FNIP2: variants seen among roughly 807,000 people sequenced by gnomAD.
FNIP2 encodes the protein folliculin interacting protein 2.
Under a neutral mutation model 108.7 loss-of-function variants are expected in FNIP2, and 32 were observed. The ratio of observed to expected loss-of-function variants is 0.29; its 90% CI spans 0.22 to 0.40. The LOEUF is 0.40. FNIP2 is among the 10% of genes least tolerant of loss of function. FNIP2 has a pLI of 1.00. For missense variants in FNIP2, 1,202 were observed against 1,381.6 expected, an observed-to-expected ratio of 0.87 and a Z score of 2.06; for synonymous variants, 480 against 496.7, an observed-to-expected ratio of 0.97 and a Z score of 0.45.
At chr4:158,844,034 CT>C (rs1779268038) in intron 7 of FNIP2, among the ~76,000 whole-genome samples, 1 of 152,208 alleles carries the variant, frequency 6.6e-6, no homozygotes, top group Non-Finnish European at 1.5e-5. Context: ...AACCTCAAAA[CT>C]TTTTCCTTTG....
chr4:158,868,822 C>A lies in FNIP2; in HGVS notation c.2186C>A (p.Ser729Tyr). The A allele has an allele frequency of 1.2e-6, 2 of 1,613,686 alleles. No homozygotes were observed. The highest frequency in any genetic ancestry group is 1.7e-6 in the Non-Finnish European group (2 of 1,179,902). ...ATTGGAAGCTTTGCATCTCCAGAGT[C>A]TGACTTTGAAAGCCGCATGAAAAAA... is the stretch of plus-strand genomic sequence containing the variant. ...FQIGSFASPESDFESRMKKME... is the reference protein window; with the variant it reads ...FQIGSFASPEYDFESRMKKME... The change falls in exon 13 of 17, where the codon TCT becomes TAT. Residue 729 changes from serine (S) to tyrosine (Y), a missense_variant. Physicochemically the swap from Ser to Tyr is moderately radical, Grantham distance 144 (BLOSUM62 -2). Around this residue, in one of 5 missense-constraint regions of FNIP2, gnomAD observed 878 missense variants for 990.3 expected, o/e 0.89. Transcript: ENST00000264433. The surrounding 1 kb of genome is among the most constrained non-coding windows in gnomAD (Gnocchi z 4.6).
intron 1 of FNIP2, among the ~76,000 whole-genome samples, chr4:158,817,308 G>A (rs867759665): frequency 6.6e-6 from 1 of 152,176 alleles, no homozygotes; most frequent in Non-Finnish European, 1.5e-5. Flanking sequence ...CTGTTGATTA[G>A]AGTTGTGTTG....
rs114160022 is a variant in FNIP2, at chr4:158,812,495, A to G, written c.108-13421A>G. ...ACTGTAACAGACAAAAGTGATCTTC[A>G]GAAAATAATCCTGTCACAAATTTTT... On this transcript the variant is annotated intron_variant, in intron 1 of 16. Transcript: ENST00000264433. Among the ~76,000 whole-genome samples the G allele has an allele frequency of 5.1e-3, 775 of 152,322 alleles. 7 individuals carry two copies. The highest frequency in any genetic ancestry group is 0.018 in the African/African-American group (736 of 41,574).
intron 7 of FNIP2, among the ~76,000 whole-genome samples, chr4:158,842,115 T>A (rs1779166250): frequency 6.6e-6 from 1 of 152,270 alleles, no homozygotes; most frequent in Non-Finnish European, 1.5e-5. Context: ...CTATTTCAGA[T>A]GTTTGGTATT....
chr4:158,775,806 A>G (rs1357331236), intron 1 of FNIP2, among the ~76,000 whole-genome samples: 2 of 152,254 alleles, frequency 1.3e-5, no homozygotes, highest in Non-Finnish European at 2.9e-5. Flanking sequence ...TGTATAGCAG[A>G]GTACTCTTTC....
chr4:158,847,917 G>C (rs1358472442), intron 7 of FNIP2, among the ~76,000 whole-genome samples: 2 of 152,218 alleles, frequency 1.3e-5, no homozygotes, highest in Non-Finnish European at 2.9e-5. Flanking sequence ...CTCTGCCTGG[G>C]GACAGGAGAG....
chr4:158,850,238 A>C (rs1365961282), intron 7 of FNIP2, among the ~76,000 whole-genome samples: 1 of 152,092 alleles, frequency 6.6e-6, no homozygotes, highest in Non-Finnish European at 1.5e-5. Flanking sequence ...TTGCCCTGTG[A>C]TTTGTTTCAG....
chr4:158,805,680 G>A (rs984827637), intron 1 of FNIP2, among the ~76,000 whole-genome samples: 1 of 152,198 alleles, frequency 6.6e-6, no homozygotes, highest in African/African-American at 2.4e-5. Flanking sequence ...AGTAAGACCT[G>A]TCAGCTGACA....
intron 1 of FNIP2, among the ~76,000 whole-genome samples, chr4:158,820,150 TCC>T (rs1165016932): frequency 2.6e-5 from 4 of 152,214 alleles, no homozygotes; most frequent in African/African-American, 9.7e-5. Flanking sequence ...TTCCTATCAT[TCC>T]TGACTGTTTA....
rs767341374 is a variant in FNIP2, at chr4:158,851,338, T to G, written c.745T>G (p.Leu249Val). ...IARSASLSSLLITPFPSPSSS... is the reference protein window; with the variant it reads ...IARSASLSSLVITPFPSPSSS... ...TCCTACAGCCTCACTAAGCAGTCTT[T>G]TGATCACACCTTTCCCATCTCCAAG... The change falls in exon 8 of 17, where the codon TTG becomes GTG. Residue 249 changes from leucine (L) to valine (V), a missense_variant. By Grantham distance (32) the Leu-to-Val change is conservative. Transcript: ENST00000264433. 6.2e-7 allele frequency: 1 copy of G among 1,614,028 alleles called. No individual in the cohort carries two copies. The highest frequency in any genetic ancestry group is 1.1e-5 in the South Asian group (1 of 91,086).
rs1775606809 is a variant in FNIP2, at chr4:158,769,200, C to A, written c.-13C>A. On this transcript the variant is annotated 5_prime_UTR_variant, in exon 1 of 17. Transcript: ENST00000264433. Reference sequence around the variant, plus strand: ...CCCCCGAGCGCCACGGCCGGAGCTGCGGCGGCGGCATCATGGCCCCGACCC... The same window carrying A: ...CCCCCGAGCGCCACGGCCGGAGCTGAGGCGGCGGCATCATGGCCCCGACCC... 5 of 1,371,856 alleles carry A rather than the reference C, an allele frequency of 3.6e-6. No individual in the cohort carries two copies. Among genetic ancestry groups the A allele is most frequent in the Non-Finnish European group, 3.8e-6 (4 of 1,049,378 alleles). 85.0% of individuals were successfully genotyped at this position (1,371,856 alleles called of 1,614,324 possible).
At chr4:158,845,593 G>A (rs1426559014) in intron 7 of FNIP2, among the ~76,000 whole-genome samples, 1 of 152,186 alleles carries the variant, frequency 6.6e-6, no homozygotes, top group Non-Finnish European at 1.5e-5. Flanking sequence ...TCCCCAGGTG[G>A]CTCAGATGTA....
chr4:158,893,653 G>C, intron 15 of FNIP2: 1 of 1,529,604 alleles, frequency 6.5e-7, no homozygotes, highest in Non-Finnish European at 9.0e-7. Context: ...TTATACAGTA[G>C]TAGGCAGTTT....
intron 8 of FNIP2, among the ~76,000 whole-genome samples, chr4:158,853,547 C>T (rs1041576605): frequency 1.3e-5 from 2 of 152,148 alleles, no homozygotes; most frequent in Admixed American, 6.5e-5. Flanking sequence ...CCACGACAGG[C>T]GCCGGTGTGT....
intron 1 of FNIP2, among the ~76,000 whole-genome samples, chr4:158,807,987 AGAGTAACG>A (rs1475481140): frequency 6.6e-6 from 1 of 152,280 alleles, no homozygotes; most frequent in South Asian, 2.1e-4. Flanking sequence ...GTGATAGGAG[AGAGTAACG>A]GAGTGACACT....
At chr4:158,885,310 C>A (rs925572479) in intron 14 of FNIP2, among the ~76,000 whole-genome samples, 2 of 152,152 alleles carry the variant, frequency 1.3e-5, no homozygotes, top group African/African-American at 4.8e-5. Context: ...CAGAGCCAAA[C>A]CATATCAGGG....
At chr4:158,805,668 A>C (rs1004843401) in intron 1 of FNIP2, among the ~76,000 whole-genome samples, 1 of 152,222 alleles carries the variant, frequency 6.6e-6, no homozygotes, top group East Asian at 1.9e-4. Flanking sequence ...GCAAGATTGC[A>C]GAGTAAGACC....
At chr4:158,834,288 T>TTCTCTCCCTCTC (rs1778653917) in intron 6 of FNIP2, 1 of 63,220 alleles carries the variant, frequency 1.6e-5, no homozygotes, top group African/African-American at 5.9e-5. Flanking sequence ...CATGGAAGAC[T>TTCTCTCCCTCTC]TCTCTCTCTC....
intron 8 of FNIP2, among the ~76,000 whole-genome samples, 159 bp from the exon 9 acceptor site, chr4:158,858,898 T>C (rs1780134733): frequency 6.6e-6 from 1 of 152,250 alleles, no homozygotes; most frequent in East Asian, 1.9e-4. Context: ...GCTGATGTTC[T>C]CATCTTCATG....
Sources: allele counts gnomAD v4.1 joint callset (sites outside exome capture counted in the v4.1 genomes callset), GRCh38; gene constraint gnomAD v4.1.1; regional missense constraint gnomAD v4.1.1; non-coding constraint Gnocchi (gnomAD v3.1); transcripts MANE v1.5; gene names NCBI Gene and HGNC (gene_info 2026-07-23, HGNC 2026-07-21).